The following FER variants were observed in gnomAD, a reference collection of about 807,000 sequenced individuals.
FER encodes the protein FER tyrosine kinase.
FER carries 63 observed loss-of-function variants against 111.0 expected under a neutral mutation model. That is an observed-to-expected ratio of 0.57 (90% CI 0.46 to 0.70). FER has a LOEUF of 0.70. FER is among the 30% of genes least tolerant of loss of function. FER has a pLI of 0.00. For synonymous variants in FER, 327 were observed against 313.9 expected (o/e 1.04, Z -0.44); for missense variants, 914 against 954.0 (o/e 0.96, Z 0.55).
chr5:108,808,350 A>T (rs1310821802), intron 3 of FER, among the ~76,000 whole-genome samples: 1 of 151,708 alleles, frequency 6.6e-6, no homozygotes, highest in Non-Finnish European at 1.5e-5. Context: ...TATCATTAGT[A>T]TCATTATTAC....
chr5:108,800,079 A>G (rs936796170), intron 3 of FER, among the ~76,000 whole-genome samples: 2 of 151,748 alleles, frequency 1.3e-5, no homozygotes, highest in East Asian at 1.9e-4. Flanking sequence ...CTGACCTCAA[A>G]TGATCTACCT....
intron 5 of FER, among the ~76,000 whole-genome samples, chr5:108,850,071 T>C (rs1466191135): frequency 6.6e-6 from 1 of 151,892 alleles, no homozygotes; most frequent in African/African-American, 2.4e-5. Flanking sequence ...GGTGCGCGCC[T>C]GTAGTCCTAG....
intron 2 of FER, among the ~76,000 whole-genome samples, chr5:108,786,790 G>A (rs1393041535): frequency 1.3e-5 from 2 of 152,136 alleles, no homozygotes; most frequent in African/African-American, 2.4e-5. Flanking sequence ...ATGAGCCACC[G>A]TGCCCGGCCA....
chr5:108,834,857 A>G (rs944497453), intron 4 of FER, among the ~76,000 whole-genome samples: 4 of 152,122 alleles, frequency 2.6e-5, no homozygotes, highest in Admixed American at 1.3e-4. Flanking sequence ...CATCAAGAAC[A>G]TTGGTGATAC....
At chr5:108,982,190 A>G (rs552432150) in intron 13 of FER, among the ~76,000 whole-genome samples, 1 of 152,084 alleles carries the variant, frequency 6.6e-6, no homozygotes, top group Non-Finnish European at 1.5e-5. Context: ...TGACACTTCT[A>G]GGTGATTTGG....
At chr5:108,808,670 TA>T (rs1261512845) in intron 3 of FER, among the ~76,000 whole-genome samples, 1 of 152,136 alleles carries the variant, frequency 6.6e-6, no homozygotes, top group Non-Finnish European at 1.5e-5. Flanking sequence ...TTGTAGTTTG[TA>T]TTGTGTGGTT....
At chr5:108,977,262 G>A (rs1001457517) in intron 13 of FER, among the ~76,000 whole-genome samples, 3 of 152,140 alleles carry the variant, frequency 2.0e-5, no homozygotes, top group African/African-American at 7.2e-5. Context: ...GTCTGTTTGT[G>A]TATAAATTCT....
At chr5:108,749,835 C>A (rs1349498032) in intron 1 of FER, among the ~76,000 whole-genome samples, 1 of 152,122 alleles carries the variant, frequency 6.6e-6, no homozygotes, top group Non-Finnish European at 1.5e-5. Context: ...TTTCTGAATA[C>A]GCTCATTGGG....
chr5:108,999,012 A>G (rs1764366690), intron 13 of FER, among the ~76,000 whole-genome samples: 1 of 152,200 alleles, frequency 6.6e-6, no homozygotes, highest in Non-Finnish European at 1.5e-5. Flanking sequence ...AGACTAAACT[A>G]GTAAATACCC....
chr5:109,162,078 C>A (rs957171449), intron 17 of FER, among the ~76,000 whole-genome samples: 5 of 152,188 alleles, frequency 3.3e-5, no homozygotes, highest in Non-Finnish European at 7.4e-5. Context: ...ATGTCCTATA[C>A]CTACTTTTTA....
chr5:109,005,508 G>A (rs1381546783), intron 13 of FER, among the ~76,000 whole-genome samples: 3 of 152,232 alleles, frequency 2.0e-5, no homozygotes, highest in South Asian at 2.1e-4. Context: ...TCATCTATTT[G>A]TGGAAGATTC....
At chr5:109,063,994 A>G (rs765962103) in intron 16 of FER, among the ~76,000 whole-genome samples, 1 of 152,176 alleles carries the variant, frequency 6.6e-6, no homozygotes, top group Non-Finnish European at 1.5e-5. Context: ...GTCATTTTAC[A>G]TCATGCGTAA....
rs115520719 is a variant in FER, at chr5:108,897,661, T to C, written c.1049T>C (p.Ile350Thr). 1,538 of 1,586,526 alleles carry C rather than the reference T, an allele frequency of 9.7e-4. 13 individuals carry two copies. The African/African-American group carries it at 0.018, about 19-fold the overall frequency. Residue 350 changes from isoleucine (I) to threonine (T), a missense_variant and splice_region_variant, in exon 10 of 20, where the codon ATT becomes ACT. Physicochemically the swap from Ile to Thr is moderately conservative, Grantham distance 89 (BLOSUM62 -1). This residue lies in a region of FER where 774 missense variants were observed against 782.6 expected (regional missense o/e 0.99). Coordinates refer to ENST00000281092, the MANE Select transcript of FER (RefSeq NM_005246.4). The part of the protein sequence containing the change: ...SSETCEKKSD[I>T]VLLLSQKQAL... ...CATTTATATTTATTCTCTTTTAGTATTGTGCTTCTGCTAAGCCAAAAACAG... is the reference window on the plus strand; with the variant it reads ...CATTTATATTTATTCTCTTTTAGTACTGTGCTTCTGCTAAGCCAAAAACAG...
rs191514779 is a variant in FER, at chr5:108,847,744, A to T, written c.481+11937A>T. 2.8e-3 allele frequency among the ~76,000 whole-genome samples: 427 copies of T among 152,216 alleles called. 6 individuals are homozygous for T. Among genetic ancestry groups the T allele is most frequent in the African/African-American group, 9.6e-3 (399 of 41,532 alleles). ...ATTCTTTTGATGACCTGACTACTTT[A>T]TTATTATGAAATGACCTTTATTATG... On this transcript the variant is annotated intron_variant, in intron 5 of 19. Transcript: ENST00000281092.
At chr5:108,827,550 C>CT (rs1759594272) in intron 3 of FER, among the ~76,000 whole-genome samples, 1 of 151,966 alleles carries the variant, frequency 6.6e-6, no homozygotes, top group South Asian at 2.1e-4. Flanking sequence ...ACTTTATTTC[C>CT]TTTTTTCTGT....
intron 16 of FER, among the ~76,000 whole-genome samples, chr5:109,050,545 A>T (rs1772645744): frequency 6.6e-6 from 1 of 152,236 alleles, no homozygotes; most frequent in South Asian, 2.1e-4. Context: ...AAAAATGTTA[A>T]GTGACATCCC....
intron 1 of FER, among the ~76,000 whole-genome samples, chr5:108,755,977 C>A (rs1256364041): frequency 1.3e-5 from 2 of 149,848 alleles, no homozygotes; most frequent in Non-Finnish European, 3.0e-5. Context: ...CATGGTGAAA[C>A]CCTGTCTTTA....
At chr5:109,040,223 T>C (rs1454926429) in intron 14 of FER, among the ~76,000 whole-genome samples, 10 of 152,120 alleles carry the variant, frequency 6.6e-5, no homozygotes, top group Non-Finnish European at 4.4e-5. Context: ...GAGTCAAAAG[T>C]ACAAATCTGG....
At chr5:109,131,386 TTAA>T (rs1428395042) in intron 17 of FER, among the ~76,000 whole-genome samples, 1 of 152,178 alleles carries the variant, frequency 6.6e-6, no homozygotes, top group African/African-American at 2.4e-5. Flanking sequence ...CCTGTCAATC[TTAA>T]TAATCCTTTG....
Sources: allele counts gnomAD v4.1 joint callset (sites outside exome capture counted in the v4.1 genomes callset), GRCh38; gene constraint gnomAD v4.1.1; regional missense constraint gnomAD v4.1.1; transcripts MANE v1.5; gene names NCBI Gene and HGNC (gene_info 2026-07-23, HGNC 2026-07-21).